The following RPS6KA2 variants were observed in gnomAD, a reference collection of about 807,000 sequenced individuals.
RPS6KA2 encodes the protein ribosomal protein S6 kinase alpha-2.
A neutral mutation model predicts 91.8 loss-of-function variants in RPS6KA2; 42 were observed. The ratio of observed to expected loss-of-function variants is 0.46; its 90% CI spans 0.36 to 0.59. The LOEUF is 0.59. Ranked by LOEUF, RPS6KA2 falls within the 20% of genes least tolerant of loss-of-function variation. The pLI is 0.00. For missense variants in RPS6KA2, 798 were observed against 978.5 expected (o/e 0.82, Z 2.46); for synonymous variants, 414 against 393.6 (o/e 1.05, Z -0.61).
intron 2 of RPS6KA2, among the ~76,000 whole-genome samples, chr6:166,667,291 A>G (rs9366040): frequency 0.16 from 24,264 of 152,246 alleles, 2,032 homozygotes; most frequent in South Asian, 0.23. Flanking sequence ...TTTAAGTGTA[A>G]GGATAAATGT....
intron 19 of RPS6KA2, among the ~76,000 whole-genome samples, chr6:166,417,825 G>A (rs1337447500): frequency 6.6e-6 from 1 of 152,152 alleles, no homozygotes; most frequent in African/African-American, 2.4e-5. Flanking sequence ...CAGCAATTTG[G>A]GAGGCTGAGG....
In RPS6KA2 at chr6:166,499,823, A is replaced by G. The variant is rs144468248; in HGVS notation, c.604+1064T>C. On this transcript the variant is annotated intron_variant, in intron 7 of 20. Coordinates refer to ENST00000265678, the MANE Select transcript of RPS6KA2 (RefSeq NM_021135.6). ...AGGGACTTTCAGAACAGACTAATAC[A>G]GGGACTTTGAGAACAGACTAATACA... 5.2e-3 allele frequency among the ~76,000 whole-genome samples: 672 copies of G among 129,974 alleles called. 7 individuals are homozygous for G. The highest frequency in any genetic ancestry group is 0.019 in the African/African-American group (641 of 33,342). The allele number at this position is 129,974 out of a possible 152,430, so 85.3% of individuals were successfully genotyped here.
chr6:166,842,131 C>T (rs865882700), intron 2 of RPS6KA2, among the ~76,000 whole-genome samples: 1 of 152,200 alleles, frequency 6.6e-6, no homozygotes, highest in Non-Finnish European at 1.5e-5. Context: ...CAGGTTCTCT[C>T]GCAAAGACTC....
chr6:166,569,285 T>C (rs959504862), intron 1 of RPS6KA2, among the ~76,000 whole-genome samples: 6 of 152,202 alleles, frequency 3.9e-5, no homozygotes, highest in Non-Finnish European at 7.3e-5. Context: ...TGGCGGGTTT[T>C]CTTCTGAGCG....
intron 2 of RPS6KA2, among the ~76,000 whole-genome samples, chr6:166,738,301 A>C (rs1790723562): frequency 6.6e-6 from 1 of 152,198 alleles, no homozygotes; most frequent in Admixed American, 6.5e-5. Context: ...CCATCCAGTG[A>C]ATTCCCCAGT....
At chr6:166,847,077 A>G (rs1236343276) in intron 2 of RPS6KA2, among the ~76,000 whole-genome samples, 1 of 152,206 alleles carries the variant, frequency 6.6e-6, no homozygotes, top group Non-Finnish European at 1.5e-5. Flanking sequence ...TCCAGATACA[A>G]AATTAATGTA....
chr6:166,727,847 G>A (rs981789929), intron 2 of RPS6KA2, among the ~76,000 whole-genome samples: 3 of 152,184 alleles, frequency 2.0e-5, no homozygotes, highest in Non-Finnish European at 4.4e-5. Flanking sequence ...TTGCAAAGCT[G>A]AAAATCAAAG....
chr6:166,812,183 C>T lies in RPS6KA2; in HGVS notation c.123+46017G>A, dbSNP rs541003965. On this transcript the variant is annotated intron_variant, in intron 2 of 21. Coordinates refer to the RPS6KA2 transcript ENST00000503859. ...CCAGCCTGGCCAACATGGTGAAACC[C>T]TGTCTCTACTAAAAATAAAAAAATT... is the stretch of plus-strand genomic sequence containing the variant. Among the ~76,000 whole-genome samples, 22 of 152,254 alleles carry T rather than the reference C, an allele frequency of 1.4e-4. 1 individual carries two copies. The South Asian group carries it at 4.6e-3, about 32-fold the overall frequency.
chr6:166,733,467 A>T lies in RPS6KA2; in HGVS notation c.123+124733T>A, dbSNP rs1367255218. Among the ~76,000 whole-genome samples, 1 of 152,238 alleles carries T rather than the reference A, an allele frequency of 6.6e-6. No homozygotes were observed. The highest frequency in any genetic ancestry group is 2.4e-5 in the African/African-American group (1 of 41,458). On this transcript the variant is annotated intron_variant, in intron 2 of 21. Coordinates refer to the RPS6KA2 transcript ENST00000503859. The surrounding 1 kb of genome is among the most constrained non-coding windows in gnomAD (Gnocchi z 4.1). The stretch of plus-strand genomic sequence containing the variant: ...CTCCCAAAAAGACATAGGGACCCTT[A>T]CAGTACGAGTTTTGGGTACTAACCC...
At chr6:166,680,017 A>G (rs896265135) in intron 2 of RPS6KA2, among the ~76,000 whole-genome samples, 1 of 152,224 alleles carries the variant, frequency 6.6e-6, no homozygotes. Flanking sequence ...TGTCTAGCTA[A>G]AGGATTGTAA....
intron 1 of RPS6KA2, among the ~76,000 whole-genome samples, chr6:166,553,962 T>A (rs1291540102): frequency 6.6e-6 from 1 of 152,126 alleles, no homozygotes; most frequent in Non-Finnish European, 1.5e-5. Flanking sequence ...TAGGTCAAAG[T>A]CTGTTCATGG....
At chr6:166,668,036 A>G (rs1026261102) in intron 2 of RPS6KA2, among the ~76,000 whole-genome samples, 1 of 152,214 alleles carries the variant, frequency 6.6e-6, no homozygotes, top group Non-Finnish European at 1.5e-5. Flanking sequence ...TATACAGAAC[A>G]CAGTCTCCTG....
At chr6:166,618,458 C>T (rs768892779) in intron 1 of RPS6KA2, among the ~76,000 whole-genome samples, 1 of 152,088 alleles carries the variant, frequency 6.6e-6, no homozygotes, top group African/African-American at 2.4e-5. Context: ...TGAGAATGGA[C>T]TGAGGGGCAG....
chr6:166,841,512 G>A (rs1780479047), intron 2 of RPS6KA2, among the ~76,000 whole-genome samples: 2 of 152,242 alleles, frequency 1.3e-5, no homozygotes, highest in Non-Finnish European at 1.5e-5. Context: ...TTATAGGAGG[G>A]TAAGGTGAGA....
intron 8 of RPS6KA2, among the ~76,000 whole-genome samples, chr6:166,496,431 A>G (rs952389158): frequency 6.6e-6 from 1 of 152,150 alleles, no homozygotes; most frequent in Non-Finnish European, 1.5e-5. Context: ...GATAGGTTTT[A>G]TGATCTGTTG....
At chr6:166,545,553 T>G (rs1301276467) in intron 1 of RPS6KA2, among the ~76,000 whole-genome samples, 1 of 152,214 alleles carries the variant, frequency 6.6e-6, no homozygotes, top group Non-Finnish European at 1.5e-5. Flanking sequence ...AAAACCAGCC[T>G]TGGCATTTCT....
At chr6:166,832,470 A>G (rs992305384) in intron 2 of RPS6KA2, among the ~76,000 whole-genome samples, 9 of 152,264 alleles carry the variant, frequency 5.9e-5, no homozygotes, top group African/African-American at 2.2e-4. Context: ...CTACACCAAG[A>G]TATTACTCTA....
chr6:166,694,621 G>T (rs920397834), intron 2 of RPS6KA2, among the ~76,000 whole-genome samples: 2 of 152,232 alleles, frequency 1.3e-5, no homozygotes, highest in African/African-American at 4.8e-5. Context: ...GATCCAGGAA[G>T]CTGATGCGAA....
intron 1 of RPS6KA2, among the ~76,000 whole-genome samples, chr6:166,580,034 G>A (rs529547531): frequency 3.3e-5 from 5 of 152,252 alleles, no homozygotes; most frequent in African/African-American, 4.8e-5. Flanking sequence ...TTAAAGGGCC[G>A]TCTTTCTATG....
Sources: gnomAD v4.1 joint callset for allele counts (sites outside exome capture counted in the v4.1 genomes callset) on GRCh38, gnomAD v4.1.1 for gene constraint, Gnocchi (gnomAD v3.1) non-coding constraint, MANE v1.5 for transcripts, NCBI Gene and HGNC (gene_info 2026-07-23, HGNC 2026-07-21) for gene names.